LMBR1: variants seen among roughly 807,000 people sequenced by gnomAD.
LMBR1 encodes limb development membrane protein 1.
LMBR1 carries 52 observed loss-of-function variants against 73.9 expected under a neutral mutation model. The ratio of observed to expected loss-of-function variants is 0.70; its 90% confidence interval spans 0.56 to 0.89. The LOEUF (loss-of-function observed/expected upper bound fraction) is 0.89. Ranked by LOEUF, LMBR1 falls within the 40% of genes least tolerant of loss-of-function variation. The probability of loss-of-function intolerance (pLI) is 0.00; values close to 1 mark genes in which losing one functional copy is unlikely to be tolerated. For missense variants in LMBR1, 539 were observed against 579.8 expected, an observed-to-expected ratio of 0.93 and a Z score of 0.72; for synonymous variants, 215 against 209.4, an observed-to-expected ratio of 1.03 and a Z score of -0.23.
intron 15 of LMBR1, among the ~76,000 whole-genome samples, chr7:156,701,040 T>C (rs1488042574): frequency 1.3e-5 from 2 of 152,172 alleles, no homozygotes; most frequent in African/African-American, 4.8e-5. Flanking sequence ...TGAGATTTAC[T>C]ATTATGAAAA....
chr7:156,784,957 G>A (rs1827811032), intron 5 of LMBR1, among the ~76,000 whole-genome samples: 1 of 152,068 alleles, frequency 6.6e-6, no homozygotes, highest in Admixed American at 6.6e-5. Context: ...CATCTCTTTT[G>A]CCCAGTTCCA....
chr7:156,692,287 G>T (rs879750827), intron 15 of LMBR1, among the ~76,000 whole-genome samples: 1 of 152,166 alleles, frequency 6.6e-6, no homozygotes, highest in Non-Finnish European at 1.5e-5. Context: ...ATGTTGGCCA[G>T]GCTGGTCTCA....
At chr7:156,730,965 G>C (rs887560729) in intron 10 of LMBR1, among the ~76,000 whole-genome samples, 7 of 150,568 alleles carry the variant, frequency 4.6e-5, no homozygotes, top group Admixed American at 3.3e-4. Flanking sequence ...GGAAAAAGAG[G>C]GAAAAAAAAA....
In LMBR1 at chr7:156,836,821, CTCTTGTA is replaced by C; in HGVS notation, c.124_130del (p.Tyr42GlufsTer20). Reference sequence around the variant, plus strand: ...GACATGTTTCCACTTGCCTGATTTTCTCTTGTATCTTGTGATGATGAAGTAGGAAACA... The same window carrying C: ...GACATGTTTCCACTTGCCTGATTTTCTCTTGTGATGATGAAGTAGGAAACA... On this transcript the variant is annotated frameshift_variant, in exon 2 of 17. Coordinates refer to ENST00000353442, the MANE Select transcript of LMBR1 (RefSeq NM_022458.4). LOFTEE classifies it high-confidence loss of function. The C allele has an allele frequency of 1.9e-6, 3 of 1,572,838 alleles. No individual in the cohort carries two copies. Among genetic ancestry groups the C allele is most frequent in the Non-Finnish European group, 2.6e-6 (3 of 1,154,320 alleles).
chr7:156,698,369 C>T (rs959984611), intron 15 of LMBR1, among the ~76,000 whole-genome samples: 13 of 152,192 alleles, frequency 8.5e-5, no homozygotes, highest in African/African-American at 3.1e-4. Flanking sequence ...AGGCAGTGCC[C>T]CAGTAGGGAC....
chr7:156,854,192 C>A (rs1796630193), intron 1 of LMBR1, among the ~76,000 whole-genome samples: 2 of 152,120 alleles, frequency 1.3e-5, no homozygotes, highest in African/African-American at 2.4e-5. Context: ...AGTTAAATTA[C>A]AGGGCAAACT....
At chr7:156,696,635 A>C (rs1208821297) in intron 15 of LMBR1, among the ~76,000 whole-genome samples, 2 of 152,206 alleles carry the variant, frequency 1.3e-5, no homozygotes, top group Non-Finnish European at 2.9e-5. Context: ...AAACCATCAG[A>C]TCTTGTGAGA....
At chr7:156,824,137 T>TAC (rs200228921) in intron 4 of LMBR1, among the ~76,000 whole-genome samples, 38 of 146,904 alleles carry the variant, frequency 2.6e-4, no homozygotes, top group African/African-American at 8.4e-4. Context: ...AATATATATA[T>TAC]ACACACGCGC....
At chr7:156,736,684 C>T (rs1356432007) in intron 9 of LMBR1, 2 of 432,120 alleles carry the variant, frequency 4.6e-6, no homozygotes, top group Non-Finnish European at 9.4e-6. Context: ...CTCAATATGG[C>T]CATAATGCTC....
chr7:156,700,963 A>G (rs900628105), intron 15 of LMBR1, among the ~76,000 whole-genome samples: 2 of 152,178 alleles, frequency 1.3e-5, no homozygotes, highest in Non-Finnish European at 2.9e-5. Context: ...CACTTCTTAC[A>G]TGGCAGCAGC....
intron 9 of LMBR1, among the ~76,000 whole-genome samples, chr7:156,741,221 G>T (rs930613879): frequency 2.0e-5 from 3 of 151,998 alleles, no homozygotes; most frequent in African/African-American, 7.2e-5. Flanking sequence ...TTCACTAAAA[G>T]GAAGACAGGA....
chr7:156,688,771 T>C (rs1047440562), intron 15 of LMBR1, among the ~76,000 whole-genome samples: 3 of 152,168 alleles, frequency 2.0e-5, no homozygotes, highest in Non-Finnish European at 2.9e-5. Context: ...ACAGCATACA[T>C]AGACTATTTT....
intron 9 of LMBR1, among the ~76,000 whole-genome samples, chr7:156,753,969 T>C (rs1821381139): frequency 6.6e-6 from 1 of 152,164 alleles, no homozygotes; most frequent in Admixed American, 6.5e-5. Context: ...TGTCCTTTTT[T>C]CTCTTCTTCT....
At chr7:156,883,044 A>AT (rs996944414) in intron 1 of LMBR1, among the ~76,000 whole-genome samples, 14 of 142,256 alleles carry the variant, frequency 9.8e-5, no homozygotes, top group Non-Finnish European at 1.4e-4. Context: ...GAAAAAAAAA[A>AT]TTTTTTGTTA....
chr7:156,857,325 C>T (rs569198866), intron 1 of LMBR1, among the ~76,000 whole-genome samples: 48 of 152,126 alleles, frequency 3.2e-4, no homozygotes, highest in Admixed American at 3.9e-4. Flanking sequence ...ATCAAGAGAA[C>T]GGCAGCTATA....
intron 5 of LMBR1, among the ~76,000 whole-genome samples, chr7:156,776,039 T>TTA (rs371439637): frequency 6.5e-4 from 97 of 149,260 alleles, no homozygotes; most frequent in African/African-American, 1.8e-3. Context: ...CGAATGAGTA[T>TTA]TATATATATA....
Position 156,756,401 on chromosome 7 carries a change from C to A in LMBR1, c.749G>T (p.Arg250Leu). Residue 250 changes from arginine to leucine, a missense_variant, in exon 9 of 17, where the codon CGA becomes CTA. Arg to Leu is a moderately radical substitution (Grantham distance 102). Transcript: ENST00000353442. ...ITLEEEALQRRLNGLSSSVEY... is the reference protein window; with the variant it reads ...ITLEEEALQRLLNGLSSSVEY... ...ATGTAATATAAACATACCATTTAGT[C>A]GTCTCTGGAGTGCTTCTTCCTCTAA... The A allele has an allele frequency of 6.9e-7, 1 of 1,452,102 alleles. No individual in the cohort carries two copies. The highest frequency in any genetic ancestry group is 9.6e-7 in the Non-Finnish European group (1 of 1,041,060). 90.0% of individuals were successfully genotyped at this position (1,452,102 alleles called of 1,614,324 possible). A position where few individuals can be genotyped will look rare whatever the true frequency, so the allele number is the denominator to read the frequency against.
chr7:156,707,623 G>A (rs902122380), intron 15 of LMBR1, among the ~76,000 whole-genome samples: 1 of 152,146 alleles, frequency 6.6e-6, no homozygotes, highest in Non-Finnish European at 1.5e-5. Flanking sequence ...AAAACCACAT[G>A]ATCATCTCCA....
At chr7:156,787,752 G>A (rs1828401549) in intron 5 of LMBR1, among the ~76,000 whole-genome samples, 1 of 152,048 alleles carries the variant, frequency 6.6e-6, no homozygotes, top group South Asian at 2.1e-4. Context: ...TTTCAATAAA[G>A]TCAAACTAGA....
Sources: allele counts gnomAD v4.1 joint callset (sites outside exome capture counted in the v4.1 genomes callset), GRCh38; gene constraint gnomAD v4.1.1; transcripts MANE v1.5; gene names NCBI Gene and HGNC (gene_info 2026-07-23, HGNC 2026-07-21).